The following GOLM1 variants were observed in gnomAD, a reference collection of about 807,000 sequenced individuals.
The protein encoded by GOLM1 is golgi membrane protein 1, also known as epididymis luminal protein 46.
GOLM1 carries 31 observed loss-of-function variants against 50.5 expected under a neutral mutation model. The ratio of observed to expected loss-of-function variants is 0.61; its 90% confidence interval spans 0.46 to 0.83. GOLM1 has a LOEUF of 0.83. Ranked by LOEUF, GOLM1 falls within the 40% of genes least tolerant of loss-of-function variation. GOLM1 has a pLI of 0.00. For synonymous variants in GOLM1, 178 were observed against 192.8 expected (o/e 0.92, Z 0.64); for missense variants, 491 against 501.3 (o/e 0.98, Z 0.20).
At chr9:86,049,587 G>A (rs545082739) in intron 4 of GOLM1, among the ~76,000 whole-genome samples, 86 of 152,188 alleles carry the variant, frequency 5.7e-4, no homozygotes, top group African/African-American at 1.9e-3. Flanking sequence ...GGTCCTTCAC[G>A]TCCCTTGTAA....
At chr9:86,056,812 AT>A (rs1339600745) in intron 3 of GOLM1, among the ~76,000 whole-genome samples, 5 of 151,594 alleles carry the variant, frequency 3.3e-5, no homozygotes. Context: ...CCAAAAAAAA[AT>A]TTTTTAAGAG....
At chr9:86,091,814 C>T (rs999919621) in intron 1 of GOLM1, among the ~76,000 whole-genome samples, 4 of 152,208 alleles carry the variant, frequency 2.6e-5, no homozygotes, top group African/African-American at 9.7e-5. Context: ...AGAAAATAAA[C>T]TCCATTCTCA....
intron 9 of GOLM1, among the ~76,000 whole-genome samples, chr9:86,031,080 T>G (rs909236275): frequency 1.1e-4 from 17 of 152,180 alleles, no homozygotes; most frequent in African/African-American, 2.2e-4. Context: ...CGTGGTGGCG[T>G]GCGCCTCTAA....
Position 86,027,753 on chromosome 9 carries a change from C to A in GOLM1, c.*64G>T. On this transcript the variant is annotated 3_prime_UTR_variant, in exon 10 of 10. Transcript: ENST00000388712. Reference sequence around the variant, plus strand: ...CATTTCACAGTTTTCAGTATTCAGTCCCTCATGAACATTTTATAGTCATCT... The same window carrying A: ...CATTTCACAGTTTTCAGTATTCAGTACCTCATGAACATTTTATAGTCATCT... 1 of 1,566,626 alleles carries A rather than the reference C, an allele frequency of 6.4e-7. No homozygotes were observed. The highest frequency in any genetic ancestry group is 1.2e-5 in the South Asian group (1 of 83,218).
intron 1 of GOLM1, among the ~76,000 whole-genome samples, chr9:86,088,286 T>C (rs1248490660): frequency 6.6e-6 from 1 of 151,670 alleles, no homozygotes; most frequent in Admixed American, 6.6e-5. Context: ...AGTGGTGATC[T>C]CCCCTTTACC....
At chr9:86,063,610 C>T (rs982433672) in intron 3 of GOLM1, among the ~76,000 whole-genome samples, 6 of 152,162 alleles carry the variant, frequency 3.9e-5, no homozygotes, top group African/African-American at 1.2e-4. Flanking sequence ...AAACAGCTAC[C>T]TCCTATTTTC....
At chr9:86,037,973 G>A (rs1833201983) in intron 6 of GOLM1, among the ~76,000 whole-genome samples, 1 of 152,000 alleles carries the variant, frequency 6.6e-6, no homozygotes, top group Admixed American at 6.6e-5. Flanking sequence ...TGACCAACAT[G>A]GAGAAACCCC....
At chr9:86,035,884 A>AAAAAAAC (rs1833122101) in intron 7 of GOLM1, among the ~76,000 whole-genome samples, 2 of 121,788 alleles carry the variant, frequency 1.6e-5, no homozygotes, top group South Asian at 5.2e-4. Context: ...AAAACAAAAC[A>AAAAAAAC]AAAAAAAAAA....
intron 3 of GOLM1, among the ~76,000 whole-genome samples, chr9:86,057,262 C>T (rs1358443082): frequency 6.6e-6 from 1 of 152,134 alleles, no homozygotes; most frequent in Non-Finnish European, 1.5e-5. Flanking sequence ...GAAAAATAAG[C>T]TCAATATTTC....
rs1835413948 is a variant in GOLM1 at position 86,098,315 on chromosome 9, AC to A, written c.-22+1095del. ...GGAAGAAGCTAGGATGCCTTTGGAG[AC>A]CCACAAAAACTGACAAGAGATTGTC... On this transcript the variant is annotated intron_variant, in intron 1 of 9. Coordinates refer to ENST00000388712, the MANE Select transcript of GOLM1 (RefSeq NM_016548.4). Among the ~76,000 whole-genome samples the A allele has an allele frequency of 2.0e-5, 3 of 152,284 alleles. No homozygotes were observed. In the East Asian group the frequency reaches 5.8e-4, roughly 29 times the overall value.
At chr9:86,089,958 G>A (rs1398602602) in intron 1 of GOLM1, among the ~76,000 whole-genome samples, 1 of 152,106 alleles carries the variant, frequency 6.6e-6, no homozygotes, top group Non-Finnish European at 1.5e-5. Flanking sequence ...TGTCCTTTTT[G>A]TTGATGCTAT....
Position 86,094,799 on chromosome 9 carries a change from T to C in GOLM1, c.-22+4612A>G, listed in dbSNP as rs73480627. ...AAAAATATTTAAAAAAGAATACATCTTGGGCCAGGCACGGTGGCTAATGCC... is the reference window on the plus strand; with the variant it reads ...AAAAATATTTAAAAAAGAATACATCCTGGGCCAGGCACGGTGGCTAATGCC... On this transcript the variant is annotated intron_variant, in intron 1 of 9. Coordinates refer to ENST00000388712, the MANE Select transcript of GOLM1 (RefSeq NM_016548.4). Among the ~76,000 whole-genome samples the C allele has an allele frequency of 7.5e-3, 1,134 of 152,162 alleles. 14 individuals are homozygous for C. The highest frequency in any genetic ancestry group is 0.026 in the African/African-American group (1,081 of 41,532).
rs538277438 is a variant in GOLM1, at chr9:86,076,239, C to T, written c.309+1173G>A. Among the ~76,000 whole-genome samples the T allele has an allele frequency of 6.5e-4, 98 of 151,532 alleles. 1 individual carries two copies. Among genetic ancestry groups the T allele is most frequent in the Admixed American group, 4.6e-4 (7 of 15,222 alleles). ...TTCGAGACCAACCTGACCAACATGGCGAAATCCCATCACTACTAAAAAATA... is the reference window on the plus strand; with the variant it reads ...TTCGAGACCAACCTGACCAACATGGTGAAATCCCATCACTACTAAAAAATA... On this transcript the variant is annotated intron_variant, in intron 3 of 9. Transcript: ENST00000388712.
At chr9:86,073,604 T>C (rs777192090) in intron 3 of GOLM1, among the ~76,000 whole-genome samples, 3 of 152,044 alleles carry the variant, frequency 2.0e-5, no homozygotes, top group Non-Finnish European at 4.4e-5. Context: ...TCCCGAACCT[T>C]ACAGAGAAGG....
chr9:86,035,886 A>AAAAAAAAAAAAAAAAAAAAAT (rs1833123485), intron 7 of GOLM1, among the ~76,000 whole-genome samples: 1 of 148,644 alleles, frequency 6.7e-6, no homozygotes, highest in Non-Finnish European at 1.5e-5. Context: ...AACAAAACAA[A>AAAAAAAAAAAAAAAAAAAAAT]AAAAAAAAAA....
At chr9:86,087,408 T>C (rs1428297438) in intron 1 of GOLM1, among the ~76,000 whole-genome samples, 3 of 152,196 alleles carry the variant, frequency 2.0e-5, no homozygotes, top group African/African-American at 7.2e-5. Context: ...TCATATGACT[T>C]CCTCTCTTCC....
chr9:86,074,582 G>C (rs79774466), intron 3 of GOLM1, among the ~76,000 whole-genome samples: 1 of 152,176 alleles, frequency 6.6e-6, no homozygotes, highest in African/African-American at 2.4e-5. Context: ...CAGTGTGCAG[G>C]GGTGGAGGCT....
At chr9:86,034,147 A>G (rs1337873928) in intron 8 of GOLM1, among the ~76,000 whole-genome samples, 8 of 151,894 alleles carry the variant, frequency 5.3e-5, no homozygotes, top group Non-Finnish European at 1.0e-4. Context: ...GTATTTTTAG[A>G]AGAGATGGGG....
intron 8 of GOLM1, 120 bp downstream of exon 8, chr9:86,035,248 A>G: frequency 6.6e-7 from 1 of 1,520,870 alleles, no homozygotes; most frequent in South Asian, 1.3e-5. Flanking sequence ...GGAATTGGCA[A>G]ATTGTGGACT....
Sources: allele counts gnomAD v4.1 joint callset (sites outside exome capture counted in the v4.1 genomes callset), GRCh38; gene constraint gnomAD v4.1.1; transcripts MANE v1.5; gene names NCBI Gene and HGNC (gene_info 2026-07-23, HGNC 2026-07-21).